Variants in PLAGL1 observed in about 807,000 individuals in gnomAD.
PLAGL1 encodes the protein zinc finger protein PLAGL1.
In PLAGL1, 1 loss-of-function variant was observed where a neutral mutation model predicts 4.6. The ratio of observed to expected loss-of-function variants is 0.22; its 90% CI spans 0.08 to 1.03. The LOEUF is 1.03. Ranked by LOEUF, PLAGL1 falls within the 50% of genes least tolerant of loss-of-function variation. The probability of loss-of-function intolerance (pLI) is 0.58; values close to 1 mark genes in which losing one functional copy is unlikely to be tolerated. For synonymous variants in PLAGL1, 240 were observed against 237.8 expected, an observed-to-expected ratio of 1.01 and a Z score of -0.08; for missense variants, 464 against 570.4, an observed-to-expected ratio of 0.81 and a Z score of 1.90.
In PLAGL1 at chr6:143,971,651, A is replaced by C. The variant is rs1275128267; in HGVS notation, c.-543-2673T>G. On this transcript the variant is annotated intron_variant, in intron 2 of 7. Coordinates refer to ENST00000674357, the MANE Select transcript of PLAGL1 (RefSeq NM_001317162.2). The surrounding 1 kb of genome is among the most constrained non-coding windows in gnomAD (Gnocchi z 4.7). ...AATTTCCCTTAGACTTTTCACTAAG[A>C]AGCAAAGCTGTTTGTTTGCCTTTTC... 6.6e-6 allele frequency among the ~76,000 whole-genome samples: 1 copy of C among 152,242 alleles called. No homozygotes were observed. Among genetic ancestry groups the C allele is most frequent in the Non-Finnish European group, 1.5e-5 (1 of 68,042 alleles).
At chr6:144,058,804 A>G (rs989566291) in intron 1 of PLAGL1, among the ~76,000 whole-genome samples, 1 of 152,020 alleles carries the variant, frequency 6.6e-6, no homozygotes, top group Non-Finnish European at 1.5e-5. Context: ...CAAGGAGTAG[A>G]CCCCCAAGAC....
chr6:143,999,736 C>T (rs1395850385), intron 1 of PLAGL1, among the ~76,000 whole-genome samples: 1 of 152,120 alleles, frequency 6.6e-6, no homozygotes, highest in African/African-American at 2.4e-5. Flanking sequence ...AAATCCAAAT[C>T]ATGTGAATAA....
At position 144,056,494 on chromosome 6, in the gene PLAGL1, C is replaced by T. The variant is rs1170136343; in HGVS notation, c.-151+7974G>A. On this transcript the variant is annotated intron_variant, in intron 1 of 3. Coordinates refer to the PLAGL1 transcript ENST00000437412. The surrounding 1 kb of genome is among the most constrained non-coding windows in gnomAD (Gnocchi z 4.7). ...CTCCTCTGTGCTCCGTCTATTTAAC[C>T]CTCTTTCACCCCTAGCCCTTGACAG... Among the ~76,000 whole-genome samples the T allele has an allele frequency of 6.6e-6, 1 of 152,124 alleles. No individual in the cohort carries two copies. Among genetic ancestry groups the T allele is most frequent in the Admixed American group, 6.5e-5 (1 of 15,274 alleles).
chr6:144,011,664 T>TCTG (rs1795200989), upstream of PLAGL1, among the ~76,000 whole-genome samples: 2 of 152,228 alleles, frequency 1.3e-5, no homozygotes, highest in Non-Finnish European at 2.9e-5. The surrounding 1 kb of genome is among the most constrained non-coding windows in gnomAD (Gnocchi z 4.3). Flanking sequence ...ATCTACTTGT[T>TCTG]CTGTGATCCA....
At chr6:144,049,005 T>G (rs536991966) in intron 1 of PLAGL1, among the ~76,000 whole-genome samples, 1 of 152,354 alleles carries the variant, frequency 6.6e-6, no homozygotes, top group African/African-American at 2.4e-5. Flanking sequence ...CTTGAATGCT[T>G]TGCTGCTTAG....
upstream of PLAGL1, chr6:144,008,428 G>A (rs1477167014): frequency 2.6e-5 from 4 of 151,954 alleles, no homozygotes; most frequent in East Asian, 7.7e-4. The surrounding 1 kb of genome is among the most constrained non-coding windows in gnomAD (Gnocchi z 6.9). Context: ...GCGCGGCCGC[G>A]AGGAGGGCGC....
Position 143,952,799 on chromosome 6 carries a change from C to A in PLAGL1, c.-324-4339G>T, listed in dbSNP as rs1253233638. Among the ~76,000 whole-genome samples the A allele has an allele frequency of 6.6e-6, 1 of 152,188 alleles. No homozygotes were observed. On this transcript the variant is annotated intron_variant, in intron 6 of 7. Transcript: ENST00000674357. This position sits in a 1 kb window ranked among gnomAD's most constrained non-coding sequence, Gnocchi z 6.1. The stretch of plus-strand genomic sequence containing the variant: ...TCAGTGACACAATCAATGCAAGGCC[C>A]ATTTCTGAGAGGAAAGTGAATTTCC...
intron 1 of PLAGL1, among the ~76,000 whole-genome samples, chr6:144,049,377 G>T (rs981206532): frequency 2.0e-5 from 3 of 152,086 alleles, no homozygotes; most frequent in Non-Finnish European, 4.4e-5. Context: ...CACTACCTTG[G>T]TATCAATTAA....
At chr6:143,951,638 C>T (rs1781100646) in intron 6 of PLAGL1, among the ~76,000 whole-genome samples, 1 of 152,242 alleles carries the variant, frequency 6.6e-6, no homozygotes, top group Non-Finnish European at 1.5e-5. Flanking sequence ...ATGGACATCA[C>T]CCATGCCTAC....
rs188629223 is a variant in PLAGL1, at chr6:144,061,960, C to T, written c.-151+2508G>A. Reference sequence around the variant, plus strand: ...AATTATATTTACTATGAATGTAGGACCCATTTTGAGCTTTTTCTTTTTTGT... The same window carrying T: ...AATTATATTTACTATGAATGTAGGATCCATTTTGAGCTTTTTCTTTTTTGT... On this transcript the variant is annotated intron_variant, in intron 1 of 3. Transcript: ENST00000437412. The surrounding 1 kb of genome is among the most constrained non-coding windows in gnomAD (Gnocchi z 4.4). 1.2e-3 allele frequency among the ~76,000 whole-genome samples: 182 copies of T among 152,300 alleles called. 1 individual carries two copies. Among genetic ancestry groups the T allele is most frequent in the African/African-American group, 4.3e-3 (178 of 41,562 alleles).
chr6:143,942,164 T>C lies in PLAGL1; in HGVS notation c.652A>G (p.Thr218Ala). 1 of 1,614,178 alleles carries C rather than the reference T, an allele frequency of 6.2e-7. No individual in the cohort carries two copies. Among genetic ancestry groups the C allele is most frequent in the African/African-American group, 1.3e-5 (1 of 75,034 alleles). ...TGGAAGGTGCTCAGAAGGTCTCCGGTCTGCAAGCTCTCTTTCATCAGCTCC... is the reference window on the plus strand; with the variant it reads ...TGGAAGGTGCTCAGAAGGTCTCCGGCCTGCAAGCTCTCTTTCATCAGCTCC... ...SQELMKESLQ[T>A]GDLLSTFHTI... Residue 218 changes from threonine to alanine, a missense_variant, in exon 8 of 8, where the codon ACC (threonine) becomes GCC (alanine). Physicochemically the swap from Thr to Ala is moderately conservative, Grantham distance 58. Around this residue, in one of 4 missense-constraint regions of PLAGL1, gnomAD observed 248 missense variants for 250.1 expected, o/e 0.99. Coordinates refer to ENST00000674357, the MANE Select transcript of PLAGL1 (RefSeq NM_001317162.2). The surrounding 1 kb of genome is among the most constrained non-coding windows in gnomAD (Gnocchi z 7.6).
chr6:143,996,563 G>A (rs963856467), intron 1 of PLAGL1, among the ~76,000 whole-genome samples: 5 of 151,330 alleles, frequency 3.3e-5, no homozygotes, highest in South Asian at 2.1e-4. Flanking sequence ...AATGTCATGT[G>A]CAAATTCTGG....
intron 2 of PLAGL1, among the ~76,000 whole-genome samples, chr6:143,981,745 C>T (rs202105736): frequency 1.3e-5 from 2 of 152,098 alleles, no homozygotes; most frequent in Non-Finnish European, 2.9e-5. Flanking sequence ...CCTCTCAGTA[C>T]GAAGTTCCAA....
At position 143,940,877 on chromosome 6, in the gene PLAGL1, C is replaced by G. The variant is rs1778430692; in HGVS notation, c.*547G>C. The G allele has an allele frequency of 6.6e-6, 1 of 152,526 alleles. No individual in the cohort carries two copies. The highest frequency in any genetic ancestry group is 2.1e-4 in the South Asian group (1 of 4,832). 9.4% of individuals were successfully genotyped at this position (152,526 alleles called of 1,614,324 possible). On this transcript the variant is annotated 3_prime_UTR_variant, in exon 8 of 8. Transcript: ENST00000674357. ...CTGTAAAATGGAGAACTCTATTGCT[C>G]CACAAGAAAATGTATATGTAAAACT...
In PLAGL1 at chr6:143,949,548, G is replaced by T. The variant is rs908183990; in HGVS notation, c.-324-1088C>A. Among the ~76,000 whole-genome samples the T allele has an allele frequency of 1.3e-5, 2 of 152,174 alleles. No homozygotes were observed. On this transcript the variant is annotated intron_variant, in intron 6 of 7. Transcript: ENST00000674357. The surrounding 1 kb of genome is among the most constrained non-coding windows in gnomAD (Gnocchi z 5.3). ...GCAGGTTTCAAATCGGCCTCTACCT[G>T]CCACTACCTGCCAGGGTAAAGCCCT...
rs1362183642 is a variant in PLAGL1 at position 143,955,128 on chromosome 6, T to C, written c.-325+5341A>G. ...GATAAATAGAAGTGAAAATCATTAC[T>C]AAAACTTGAGGTGGTGGTTGTCTAG... is the stretch of plus-strand genomic sequence containing the variant. On this transcript the variant is annotated intron_variant, in intron 6 of 7. Coordinates refer to ENST00000674357, the MANE Select transcript of PLAGL1 (RefSeq NM_001317162.2). This position sits in a 1 kb window ranked among gnomAD's most constrained non-coding sequence, Gnocchi z 4.9. Among the ~76,000 whole-genome samples the C allele has an allele frequency of 2.6e-5, 4 of 152,336 alleles. No individual in the cohort carries two copies. Among genetic ancestry groups the C allele is most frequent in the Non-Finnish European group, 4.4e-5 (3 of 68,024 alleles).
rs1279072029 is a variant in PLAGL1, at chr6:143,941,589, TTCCCCAG to T, written c.1220_1226del (p.Pro407HisfsTer7). 1.9e-6 allele frequency: 3 copies of T among 1,608,778 alleles called. No individual in the cohort carries two copies. Among genetic ancestry groups the T allele is most frequent in the Non-Finnish European group, 2.5e-6 (3 of 1,176,744 alleles). ...GACAGCTTAACCTGTGGGGCAAAGATTCCCCAGGCCCCAGGGCAAGAGTGCTATTCCC... is the reference window on the plus strand; with the variant it reads ...GACAGCTTAACCTGTGGGGCAAAGATGCCCCAGGGCAAGAGTGCTATTCCC... On this transcript the variant is annotated frameshift_variant, in exon 8 of 8. Coordinates refer to ENST00000674357, the MANE Select transcript of PLAGL1 (RefSeq NM_001317162.2). LOFTEE classifies it low-confidence loss of function (END_TRUNC). The surrounding 1 kb of genome is among the most constrained non-coding windows in gnomAD (Gnocchi z 6.0).
At chr6:143,943,581 C>T (rs888893271) in intron 7 of PLAGL1, among the ~76,000 whole-genome samples, 4 of 152,170 alleles carry the variant, frequency 2.6e-5, no homozygotes, top group African/African-American at 9.6e-5. Context: ...CAGCTCTTAT[C>T]TCTGATGCTG....
chr6:144,011,683 C>T (rs1022201771), upstream of PLAGL1, among the ~76,000 whole-genome samples: 17 of 152,188 alleles, frequency 1.1e-4, no homozygotes, highest in East Asian at 1.9e-4. The surrounding 1 kb of genome is among the most constrained non-coding windows in gnomAD (Gnocchi z 4.3). Flanking sequence ...CAAGGTTTTT[C>T]GGACAAGGAG....
Sources: allele counts gnomAD v4.1 joint callset (sites outside exome capture counted in the v4.1 genomes callset), GRCh38; gene constraint gnomAD v4.1.1; regional missense constraint gnomAD v4.1.1; non-coding constraint Gnocchi (gnomAD v3.1); transcripts MANE v1.5; gene names NCBI Gene and HGNC (gene_info 2026-07-23, HGNC 2026-07-21).